Variants in BRD10 observed in about 807,000 individuals in gnomAD.
BRD10 encodes the protein uncharacterized bromodomain-containing protein 10.
chr9:5,996,755 C>A, the BRD10 span, among the ~76,000 whole-genome samples: 1 of 152,124 alleles, frequency 6.6e-6, no homozygotes, highest in Non-Finnish European at 1.5e-5. Flanking sequence ...TTGAAAAGTG[C>A]CTTATCAACC....
chr9:5,938,241 G>C, the BRD10 span, among the ~76,000 whole-genome samples: 1 of 152,156 alleles, frequency 6.6e-6, no homozygotes, highest in Non-Finnish European at 1.5e-5. Flanking sequence ...AGGAGTTTGA[G>C]ACCAGCCTGG....
chr9:5,964,207 A>G, the BRD10 span, among the ~76,000 whole-genome samples: 1 of 146,274 alleles, frequency 6.8e-6, no homozygotes, highest in Non-Finnish European at 1.5e-5. Flanking sequence ...ACAAATTTAC[A>G]AGAAAAAAAC....
the BRD10 span, among the ~76,000 whole-genome samples, chr9:6,005,847 G>A: frequency 6.6e-6 from 1 of 152,264 alleles, no homozygotes; most frequent in African/African-American, 2.4e-5. Flanking sequence ...AAGCAAATAT[G>A]TGAATAATTA....
At chr9:5,949,258 G>A in the BRD10 span, among the ~76,000 whole-genome samples, 1 of 151,912 alleles carries the variant, frequency 6.6e-6, no homozygotes, top group Non-Finnish European at 1.5e-5. Context: ...ACTGATAGAG[G>A]AAACCACAGA....
At chr9:5,922,732 C>A in the BRD10 span, 1 of 1,613,994 alleles carries the variant, frequency 6.2e-7, no homozygotes, top group Non-Finnish European at 8.5e-7. Flanking sequence ...CCACCATAGG[C>A]TGCACCTGAA....
chr9:5,928,013 T>C, the BRD10 span, among the ~76,000 whole-genome samples: 3 of 152,336 alleles, frequency 2.0e-5, no homozygotes, highest in East Asian at 1.9e-4. Flanking sequence ...ATATCAAAGT[T>C]AACATGTTCA....
the BRD10 span, chr9:5,928,979 A>G: frequency 9.6e-6 from 8 of 829,264 alleles, no homozygotes; most frequent in African/African-American, 8.6e-5. Flanking sequence ...ATTCCAGGAC[A>G]TCATCCAAAA....
the BRD10 span, among the ~76,000 whole-genome samples, chr9:5,997,403 C>G: frequency 6.7e-6 from 1 of 150,150 alleles, no homozygotes; most frequent in Non-Finnish European, 1.5e-5. Context: ...ATTTAAAAGC[C>G]ACATATCTAA....
the BRD10 span, chr9:5,968,845 A>G: frequency 1.9e-6 from 3 of 1,613,590 alleles, no homozygotes; most frequent in Non-Finnish European, 2.5e-6. Context: ...AATAATCATA[A>G]CCAAGAATAA....
chr9:5,951,475 TTC>T, the BRD10 span, among the ~76,000 whole-genome samples: 1 of 152,180 alleles, frequency 6.6e-6, no homozygotes, highest in African/African-American at 2.4e-5. Flanking sequence ...GTTCATTATT[TTC>T]AGAAGCAAGA....
the BRD10 span, among the ~76,000 whole-genome samples, chr9:5,900,858 ACTTT>A: frequency 6.6e-6 from 1 of 152,238 alleles, no homozygotes; most frequent in Non-Finnish European, 1.5e-5. Context: ...AGGACAAAAT[ACTTT>A]TGATTCTTGG....
the BRD10 span, among the ~76,000 whole-genome samples, chr9:5,894,517 G>C: frequency 6.6e-6 from 1 of 152,162 alleles, no homozygotes; most frequent in African/African-American, 2.4e-5. The surrounding 1 kb of genome is among the most constrained non-coding windows in gnomAD (Gnocchi z 4.0). Flanking sequence ...GATCTCTAAG[G>C]AGAGATTTTT....
the BRD10 span, among the ~76,000 whole-genome samples, chr9:5,986,125 C>T: frequency 1.3e-5 from 2 of 152,184 alleles, no homozygotes; most frequent in Admixed American, 6.5e-5. Context: ...GCTCTCCCTC[C>T]CTCTACCCAC....
At chr9:5,966,375 TTAA>T in the BRD10 span, among the ~76,000 whole-genome samples, 1 of 151,554 alleles carries the variant, frequency 6.6e-6, no homozygotes, top group South Asian at 2.1e-4. Context: ...TACAATTATA[TTAA>T]TAATATACTA....
At chr9:5,917,858 AAG>A in the BRD10 span, among the ~76,000 whole-genome samples, 3 of 152,332 alleles carry the variant, frequency 2.0e-5, no homozygotes, top group Non-Finnish European at 4.4e-5. Flanking sequence ...TCTCAAAAAA[AAG>A]AGAGAGATTT....
the BRD10 span, among the ~76,000 whole-genome samples, chr9:5,896,698 T>C: frequency 6.6e-6 from 1 of 152,226 alleles, no homozygotes; most frequent in Non-Finnish European, 1.5e-5. Context: ...TGATGATGCT[T>C]GCCCGGAGTG....
the BRD10 span, among the ~76,000 whole-genome samples, chr9:5,891,790 T>A: frequency 6.6e-6 from 1 of 152,124 alleles, no homozygotes; most frequent in African/African-American, 2.4e-5. Flanking sequence ...GGGAAACACA[T>A]TGTTAGATAA....
chr9:5,908,506 G>T, the BRD10 span: 3 of 781,550 alleles, frequency 3.8e-6, no homozygotes, highest in Non-Finnish European at 6.3e-6. Context: ...TCACTGGGCA[G>T]AAATTATATG....
the BRD10 span, among the ~76,000 whole-genome samples, chr9:5,885,520 A>G: frequency 0.95 from 144,373 of 152,030 alleles, 68,787 homozygotes; most frequent in Non-Finnish European, 0.99. Context: ...ACAGGCATGC[A>G]CCACCACGCC....
Sources: gnomAD v4.1 joint callset for allele counts (sites outside exome capture counted in the v4.1 genomes callset) on GRCh38, gnomAD v4.1.1 for gene constraint, Gnocchi (gnomAD v3.1) non-coding constraint, MANE v1.5 for transcripts, NCBI Gene and HGNC (gene_info 2026-07-23, HGNC 2026-07-21) for gene names.